The following CLOCK variants were observed in gnomAD, a reference collection of about 807,000 sequenced individuals.
CLOCK encodes the protein circadian locomoter output cycles protein kaput.
A neutral mutation model predicts 118.4 loss-of-function variants in CLOCK; 43 were observed. The ratio of observed to expected loss-of-function variants is 0.36; its 90% confidence interval spans 0.28 to 0.47. The LOEUF (loss-of-function observed/expected upper bound fraction) is 0.47. Among genes scored for constraint, CLOCK ranks in the 20% least tolerant of loss-of-function variants. CLOCK has a pLI of 1.00. For synonymous variants in CLOCK, 326 were observed against 339.2 expected (o/e 0.96, Z 0.43); for missense variants, 846 against 999.9 (o/e 0.85, Z 2.08).
At chr4:55,528,490 C>T (rs1043897594) in intron 1 of CLOCK, among the ~76,000 whole-genome samples, 2 of 151,950 alleles carry the variant, frequency 1.3e-5, no homozygotes, top group Non-Finnish European at 2.9e-5. Flanking sequence ...TCATGTTTGC[C>T]GCCCCTCCAT....
intron 2 of CLOCK, among the ~76,000 whole-genome samples, chr4:55,497,931 T>A (rs1487875161): frequency 6.6e-6 from 1 of 151,058 alleles, no homozygotes; most frequent in Non-Finnish European, 1.5e-5. Flanking sequence ...AAAGGGCAAA[T>A]GTATATAGAT....
At chr4:55,504,164 T>C (rs1337565797) in intron 2 of CLOCK, among the ~76,000 whole-genome samples, 2 of 150,430 alleles carry the variant, frequency 1.3e-5, no homozygotes, top group Non-Finnish European at 1.5e-5. Flanking sequence ...CAGGCGCCTA[T>C]AGTCCCAACT....
rs576384413 is a variant in CLOCK, at chr4:55,522,194, A to G, written c.-289-12129T>C. Among the ~76,000 whole-genome samples, 11 of 152,336 alleles carry G rather than the reference A, an allele frequency of 7.2e-5. No individual in the cohort carries two copies. In the East Asian group the frequency reaches 2.1e-3, roughly 29 times the overall value. ...TTAGAAGAAAACACACAATACCTTC[A>G]TATCTATAGAGGAGAAAATAACTTT... On this transcript the variant is annotated intron_variant, in intron 1 of 22. Coordinates refer to ENST00000513440, the MANE Select transcript of CLOCK (RefSeq NM_004898.4).
intron 2 of CLOCK, among the ~76,000 whole-genome samples, chr4:55,501,043 G>T (rs1249169148): frequency 6.6e-6 from 1 of 151,090 alleles, no homozygotes; most frequent in Non-Finnish European, 1.5e-5. Flanking sequence ...TAGAAGAGAC[G>T]AGGTCTTGCT....
chr4:55,531,533 C>G (rs762768461), intron 1 of CLOCK, among the ~76,000 whole-genome samples: 8 of 151,518 alleles, frequency 5.3e-5, no homozygotes, highest in African/African-American at 1.9e-4. Context: ...GGTGAAACCC[C>G]GTCTCTACGA....
In CLOCK at chr4:55,531,703, C is replaced by CAAAAAAA. The variant is rs373796432; in HGVS notation, c.-290+15072_-290+15078dup. Among the ~76,000 whole-genome samples, 144 of 41,278 alleles carry CAAAAAAA rather than the reference C, an allele frequency of 3.5e-3. 5 individuals carry two copies. Among genetic ancestry groups the CAAAAAAA allele is most frequent in the Middle Eastern group, 0.033 (1 of 30 alleles). 27.1% of individuals were successfully genotyped at this position (41,278 alleles called of 152,430 possible). On this transcript the variant is annotated intron_variant, in intron 1 of 22. Transcript: ENST00000513440. The stretch of plus-strand genomic sequence containing the variant: ...CTGGCGACAGAGCAAGACTTCGTCT[C>CAAAAAAA]AAAAAAAAAAAAAAAAAAAAAAAAA...
chr4:55,526,645 A>G (rs374768551), intron 1 of CLOCK, among the ~76,000 whole-genome samples: 26 of 151,948 alleles, frequency 1.7e-4, no homozygotes, highest in African/African-American at 5.3e-4. Flanking sequence ...CAGTGTAGAC[A>G]GTAAGGAAAA....
At chr4:55,504,896 G>A (rs948527752) in intron 2 of CLOCK, among the ~76,000 whole-genome samples, 3 of 151,886 alleles carry the variant, frequency 2.0e-5, no homozygotes, top group Non-Finnish European at 4.4e-5. Context: ...GCAAAGAATC[G>A]CAGAACAGGC....
At position 55,435,012 on chromosome 4, in the gene CLOCK, CCT is replaced by C. The variant is rs1471831246; in HGVS notation, c.*401_*402del. ...TTCATGGCATCACTGTAAGCAAACC[CCT>C]GACATGGCAGTGGTATGTCCTCTGT... is the stretch of plus-strand genomic sequence containing the variant. On this transcript the variant is annotated 3_prime_UTR_variant, in exon 23 of 23. Transcript: ENST00000513440. 1.5e-5 allele frequency: 4 copies of C among 261,462 alleles called. No individual in the cohort carries two copies. In the East Asian group the frequency reaches 3.7e-4, roughly 24 times the overall value. 16.2% of individuals were successfully genotyped at this position (261,462 alleles called of 1,614,324 possible). A position where few individuals can be genotyped will look rare whatever the true frequency, so the allele number is the denominator to read the frequency against.
chr4:55,442,321 G>T, intron 21 of CLOCK, 111 bp downstream of exon 21: 1 of 874,858 alleles, frequency 1.1e-6, no homozygotes. Context: ...ATTGGCTGCA[G>T]TGAGCATCTC....
chr4:55,512,623 G>A (rs1231899335), intron 1 of CLOCK, among the ~76,000 whole-genome samples: 3 of 151,460 alleles, frequency 2.0e-5, no homozygotes, highest in Middle Eastern at 6.8e-3. Context: ...TGATGTTGAG[G>A]ATAAAAACTC....
chr4:55,531,503 G>A (rs1003148173), intron 1 of CLOCK, among the ~76,000 whole-genome samples: 39 of 151,652 alleles, frequency 2.6e-4, no homozygotes, highest in African/African-American at 8.2e-4. Flanking sequence ...TCAAGAGATC[G>A]AGACCATCCT....
In CLOCK at chr4:55,504,250, C is replaced by T. The variant is rs189466991; in HGVS notation, c.-136+5662G>A. On this transcript the variant is annotated intron_variant, in intron 2 of 22. Coordinates refer to ENST00000513440, the MANE Select transcript of CLOCK (RefSeq NM_004898.4). Reference sequence around the variant, plus strand: ...GCAGTGAGCCAAGATCGCACCACTGCACTCCAGCCTGGGCGACACAGCGAG... The same window carrying T: ...GCAGTGAGCCAAGATCGCACCACTGTACTCCAGCCTGGGCGACACAGCGAG... Among the ~76,000 whole-genome samples, 4 of 139,560 alleles carry T rather than the reference C, an allele frequency of 2.9e-5. No homozygotes were observed. The South Asian group carries it at 9.3e-4, about 33-fold the overall frequency. The allele number at this position is 139,560 out of a possible 152,430, so 91.6% of individuals were successfully genotyped here. A position where few individuals can be genotyped will look rare whatever the true frequency, so the allele number is the denominator to read the frequency against.
At chr4:55,479,612 T>C in intron 5 of CLOCK, 28 bp downstream of exon 5, 1 of 1,525,140 alleles carries the variant, frequency 6.6e-7, no homozygotes, top group Non-Finnish European at 9.1e-7. Flanking sequence ...TTCATTCATT[T>C]ACTATTTTAT....
chr4:55,505,895 T>C (rs1728766452), intron 2 of CLOCK, among the ~76,000 whole-genome samples: 1 of 151,428 alleles, frequency 6.6e-6, no homozygotes, highest in South Asian at 2.1e-4. Context: ...TACATAAACA[T>C]ATTTTTTGAA....
At chr4:55,483,275 A>G (rs571933116) in intron 3 of CLOCK, among the ~76,000 whole-genome samples, 5 of 152,332 alleles carry the variant, frequency 3.3e-5, no homozygotes, top group African/African-American at 1.2e-4. Flanking sequence ...AGGAAGATAG[A>G]TATCTAAATA....
At position 55,466,109 on chromosome 4, in the gene CLOCK, C is replaced by T. The variant is rs996512915; in HGVS notation, c.439-2304G>A. On this transcript the variant is annotated intron_variant, in intron 8 of 22. Coordinates refer to ENST00000513440, the MANE Select transcript of CLOCK (RefSeq NM_004898.4). ...CCCACCCAAATCTCATCTTGTTGTT[C>T]CCATAATCCCCATGTGTCATGGGAG... Among the ~76,000 whole-genome samples, 3 of 152,046 alleles carry T rather than the reference C, an allele frequency of 2.0e-5. No homozygotes were observed. In the East Asian group the frequency reaches 5.8e-4, roughly 29 times the overall value.
intron 11 of CLOCK, among the ~76,000 whole-genome samples, chr4:55,457,202 A>G (rs1425112231): frequency 1.3e-5 from 2 of 151,380 alleles, no homozygotes; most frequent in African/African-American, 4.9e-5. Context: ...TATGTCCTAA[A>G]ATAAACTAAC....
chr4:55,458,563 T>C (rs1413558039), intron 11 of CLOCK, among the ~76,000 whole-genome samples: 2 of 152,136 alleles, frequency 1.3e-5, no homozygotes, highest in Non-Finnish European at 2.9e-5. Context: ...ATTTAAAAGT[T>C]ACCTTCTAAA....
Sources: gnomAD v4.1 joint callset for allele counts (sites outside exome capture counted in the v4.1 genomes callset) on GRCh38, gnomAD v4.1.1 for gene constraint, MANE v1.5 for transcripts, NCBI Gene and HGNC (gene_info 2026-07-23, HGNC 2026-07-21) for gene names.